Variants in MAOB observed in about 807,000 individuals in gnomAD.
The protein encoded by MAOB is monoamine oxidase B.
In MAOB, 15 loss-of-function variants were observed where a neutral mutation model predicts 41.9. That is an observed-to-expected ratio of 0.36 (90% CI 0.24 to 0.55). The LOEUF (loss-of-function observed/expected upper bound fraction) is 0.55, where lower values mean the gene tolerates loss of function less well. MAOB is among the 20% of genes least tolerant of loss of function. The probability of loss-of-function intolerance (pLI) is 0.86; values close to 1 mark genes in which losing one functional copy is unlikely to be tolerated. For missense variants in MAOB, 345 were observed against 398.7 expected (o/e 0.87, Z 1.15); for synonymous variants, 167 against 144.2 (o/e 1.16, Z -1.13).
Position 43,803,632 on chromosome X carries a change from A to G in MAOB, c.280-228T>C, listed in dbSNP as rs1187511213. 4.5e-5 allele frequency among the ~76,000 whole-genome samples: 5 copies of G among 112,093 alleles called. No homozygotes were observed. The Admixed American group carries it at 4.7e-4, about 11-fold the overall frequency. On this transcript the variant is annotated intron_variant, in intron 3 of 14. Coordinates refer to ENST00000378069, the MANE Select transcript of MAOB (RefSeq NM_000898.5). Reference sequence around the variant, plus strand: ...AGTTCACTGCCACACCAAGCACGGTAAAGAGGTTTCTCTCTGAAACTGGAG... The same window carrying G: ...AGTTCACTGCCACACCAAGCACGGTGAAGAGGTTTCTCTCTGAAACTGGAG...
At chrX:43,836,768 T>A (rs2035076640) in intron 3 of MAOB, among the ~76,000 whole-genome samples, 1 of 112,299 alleles carries the variant, frequency 8.9e-6, no homozygotes, top group Admixed American at 9.5e-5. Flanking sequence ...ATGCTTTACT[T>A]TTGTCATAAT....
At chrX:43,780,230 T>C (rs1463348281) in intron 10 of MAOB, 112 bp downstream of exon 10, 3 of 601,301 alleles carry the variant, frequency 5.0e-6, no homozygotes, top group Non-Finnish European at 7.7e-6. Context: ...TAAGTAAAAA[T>C]GAAAGGCAGG....
At chrX:43,772,392 C>A (rs1432220080) in intron 12 of MAOB, among the ~76,000 whole-genome samples, 3 of 111,650 alleles carry the variant, frequency 2.7e-5, no homozygotes. Flanking sequence ...AGGATCAGGC[C>A]AGTTCAGGTT....
At chrX:43,877,067 C>G (rs2035444506) in intron 1 of MAOB, among the ~76,000 whole-genome samples, 1 of 112,505 alleles carries the variant, frequency 8.9e-6, no homozygotes, top group Middle Eastern at 4.2e-3. Context: ...CTTTAATTCT[C>G]TCAGCCACTT....
At chrX:43,788,541 T>C (rs184473995) in intron 8 of MAOB, among the ~76,000 whole-genome samples, 171 of 111,933 alleles carry the variant, frequency 1.5e-3, no homozygotes, top group African/African-American at 5.3e-3. Flanking sequence ...ATGCTGTTTA[T>C]TGCAGCATGG....
intron 6 of MAOB, 36 bp from the exon 7 acceptor site, chrX:43,795,924 G>A (rs1217400985): frequency 1.7e-6 from 2 of 1,184,727 alleles, no homozygotes; most frequent in Non-Finnish European, 2.3e-6. Context: ...AGAAACGCAG[G>A]AATGGGCATA....
intron 3 of MAOB, among the ~76,000 whole-genome samples, chrX:43,810,437 G>T (rs2034732725): frequency 9.2e-6 from 1 of 109,229 alleles, no homozygotes; most frequent in Non-Finnish European, 1.9e-5. Context: ...TTATAGTAGG[G>T]TTATTATTGT....
intron 1 of MAOB, 81 bp downstream of exon 1, chrX:43,882,173 A>G (rs2035477454): frequency 8.5e-6 from 10 of 1,170,661 alleles, no homozygotes; most frequent in Non-Finnish European, 1.1e-5. Flanking sequence ...CCCCTGCCCC[A>G]CGGCCGCCCC....
rs370846158 is a variant in MAOB, at chrX:43,785,982, A to T, written c.929-4438T>A. 3.6e-5 allele frequency among the ~76,000 whole-genome samples: 4 copies of T among 112,156 alleles called. No homozygotes were observed. In the East Asian group the frequency reaches 1.1e-3, roughly 31 times the overall value. ...TTACCAAAATATGACACAGAGACAT[A>T]AAGTGAGTACACGCTGTTGGAAAAA... On this transcript the variant is annotated intron_variant, in intron 8 of 14. Coordinates refer to ENST00000378069, the MANE Select transcript of MAOB (RefSeq NM_000898.5).
In MAOB at chrX:43,768,634, T is replaced by C. The variant is rs1250032346; in HGVS notation, c.1410+20A>G. On this transcript the variant is annotated intron_variant, in intron 14 of 14. Transcript: ENST00000378069. ...TTTAGAGAAAAGATATCTAATTTCA[T>C]GAAATAAAACATAGCCTACCACAGA... 1 of 1,183,640 alleles carries C rather than the reference T, an allele frequency of 8.4e-7. No homozygotes were observed. The highest frequency in any genetic ancestry group is 1.1e-6 in the Non-Finnish European group (1 of 870,355).
chrX:43,859,215 G>T (rs749187619), intron 1 of MAOB, among the ~76,000 whole-genome samples: 1 of 110,957 alleles, frequency 9.0e-6, no homozygotes, highest in Non-Finnish European at 1.9e-5. Context: ...CTGCTCAGTC[G>T]CCCCAAATCA....
intron 2 of MAOB, among the ~76,000 whole-genome samples, chrX:43,839,678 T>G (rs1386969689): frequency 8.9e-6 from 1 of 112,113 alleles, no homozygotes; most frequent in Admixed American, 9.5e-5. Flanking sequence ...TTCCACTCAC[T>G]TACCCTTCAA....
intron 12 of MAOB, 78 bp from the exon 13 acceptor site, chrX:43,769,496 G>A: frequency 9.1e-7 from 1 of 1,094,627 alleles, no homozygotes; most frequent in Non-Finnish European, 1.2e-6. Flanking sequence ...GACCAATGCT[G>A]GTCAGCTTCC....
intron 2 of MAOB, among the ~76,000 whole-genome samples, chrX:43,841,855 C>T (rs2147164960): frequency 8.9e-6 from 1 of 111,860 alleles, no homozygotes; most frequent in South Asian, 3.8e-4. Context: ...GGACTATCCA[C>T]ATGCAGAAGA....
In MAOB at chrX:43,767,564, C is replaced by T. The variant is rs776163971; in HGVS notation, c.1465G>A (p.Val489Met). Residue 489 changes from valine (V) to methionine (M), a missense_variant, in exon 15 of 15, where the codon GTG becomes ATG. Transcript: ENST00000378069. The stretch of plus-strand genomic sequence containing the variant: ...CCAATCAGCCTGAGCAGGCCTGGCA[C>T]GGAGGGCAAATGTCTCTCCAAAAAG... ...TTFLERHLPS[V>M]PGLLRLIGLT... The T allele has an allele frequency of 2.6e-5, 31 of 1,208,546 alleles. No individual in the cohort carries two copies. Among genetic ancestry groups the T allele is most frequent in the South Asian group, 5.3e-5 (3 of 56,617 alleles).
At chrX:43,811,686 T>A (rs775179713) in intron 3 of MAOB, among the ~76,000 whole-genome samples, 3 of 111,880 alleles carry the variant, frequency 2.7e-5, no homozygotes, top group East Asian at 5.7e-4. Context: ...TCCAATTTTT[T>A]AAATTTTTAA....
chrX:43,851,593 C>G lies in MAOB; in HGVS notation c.47-7829G>C, dbSNP rs1444695798. ...ACACAATTTTTAGAATCACAAGCAT[C>G]TTTAAGGAAGAATATAAAACTGAAG... On this transcript the variant is annotated intron_variant, in intron 1 of 14. Transcript: ENST00000378069. Among the ~76,000 whole-genome samples the G allele has an allele frequency of 2.7e-5, 3 of 111,783 alleles. No individual in the cohort carries two copies. In the Admixed American group the frequency reaches 2.9e-4, roughly 11 times the overall value.
At chrX:43,787,746 T>C (rs966058228) in intron 8 of MAOB, among the ~76,000 whole-genome samples, 2 of 112,015 alleles carry the variant, frequency 1.8e-5, no homozygotes, top group Non-Finnish European at 3.8e-5. Context: ...TCAATGTGTA[T>C]CTGAGAATTT....
intron 3 of MAOB, among the ~76,000 whole-genome samples, chrX:43,833,257 A>C (rs1333311188): frequency 9.0e-6 from 1 of 111,145 alleles, no homozygotes; most frequent in Non-Finnish European, 1.9e-5. Context: ...TAGTTTCTAG[A>C]TGTCCATATA....
Sources: allele counts gnomAD v4.1 joint callset (sites outside exome capture counted in the v4.1 genomes callset), GRCh38; gene constraint gnomAD v4.1.1; transcripts MANE v1.5; gene names NCBI Gene and HGNC (gene_info 2026-07-23, HGNC 2026-07-21).